Variants in PCCA observed in about 807,000 individuals in gnomAD.
PCCA encodes propionyl-CoA carboxylase subunit alpha, also known as propionyl-CoA carboxylase alpha chain, mitochondrial.
Under a neutral mutation model 101.3 loss-of-function variants are expected in PCCA, and 74 were observed. The observed-to-expected ratio is 0.73, with a 90% CI of 0.61 to 0.89. The LOEUF (loss-of-function observed/expected upper bound fraction) is 0.89, where lower values mean the gene tolerates loss of function less well. Among genes scored for constraint, PCCA ranks in the 40% least tolerant of loss-of-function variants. PCCA has a pLI of 0.00. For synonymous variants in PCCA, 294 were observed against 313.6 expected (o/e 0.94, Z 0.66); for missense variants, 891 against 907.0 (o/e 0.98, Z 0.23).
intron 16 of PCCA, among the ~76,000 whole-genome samples, chr13:100,322,057 G>A (rs1441880719): frequency 2.0e-5 from 3 of 152,306 alleles, no homozygotes; most frequent in Non-Finnish European, 4.4e-5. Context: ...TCTAAATACA[G>A]TGGGATAAAT....
chr13:100,200,865 C>T (rs757677504), intron 6 of PCCA, among the ~76,000 whole-genome samples: 52 of 151,492 alleles, frequency 3.4e-4, no homozygotes, highest in South Asian at 2.1e-4. Flanking sequence ...CAAAACAACT[C>T]CTGTGTTCAT....
intron 6 of PCCA, among the ~76,000 whole-genome samples, chr13:100,172,188 A>C (rs1323749021): frequency 6.6e-6 from 1 of 151,642 alleles, no homozygotes; most frequent in Non-Finnish European, 1.5e-5. Context: ...GTGACAGAGC[A>C]AAACCCTGTC....
intron 11 of PCCA, among the ~76,000 whole-genome samples, chr13:100,268,997 G>A (rs1233610874): frequency 1.3e-5 from 2 of 152,122 alleles, no homozygotes; most frequent in African/African-American, 4.8e-5. Flanking sequence ...CTACAGGTGT[G>A]TGCCACCATG....
In PCCA at chr13:100,247,188, A is replaced by G. The variant is rs544887671; in HGVS notation, c.638-10407A>G. On this transcript the variant is annotated intron_variant, in intron 8 of 23. Coordinates refer to ENST00000376285, the MANE Select transcript of PCCA (RefSeq NM_000282.4). ...CTCCCAAAGTGCTGAGATTACAGGC[A>G]TAAGCCACTGCGCCCAGCCTGTGTG... Among the ~76,000 whole-genome samples, 11 of 149,132 alleles carry G rather than the reference A, an allele frequency of 7.4e-5. No homozygotes were observed. In the East Asian group the frequency reaches 2.2e-3, roughly 30 times the overall value.
At chr13:100,410,768 T>TC (rs2152869769) in intron 19 of PCCA, among the ~76,000 whole-genome samples, 1 of 152,176 alleles carries the variant, frequency 6.6e-6, no homozygotes, top group Non-Finnish European at 1.5e-5. Flanking sequence ...CTCTTTTTTT[T>TC]CCCCAAGAGA....
intron 21 of PCCA, among the ~76,000 whole-genome samples, chr13:100,514,963 A>T (rs1326421453): frequency 2.6e-5 from 4 of 152,240 alleles, no homozygotes; most frequent in Non-Finnish European, 5.9e-5. Flanking sequence ...ACTTACTGAT[A>T]CGTAGTGCAG....
intron 21 of PCCA, among the ~76,000 whole-genome samples, chr13:100,514,616 G>T (rs1813821862): frequency 6.6e-6 from 1 of 152,142 alleles, no homozygotes; most frequent in Admixed American, 6.5e-5. Flanking sequence ...TCACGGAGAG[G>T]ATAGGAATTC....
chr13:100,438,972 C>G (rs1189853211), intron 20 of PCCA, among the ~76,000 whole-genome samples: 2 of 152,162 alleles, frequency 1.3e-5, no homozygotes, highest in Non-Finnish European at 2.9e-5. Context: ...GGAATGTAGT[C>G]CTACCAAAAC....
rs573933862 is a variant in PCCA, at chr13:100,363,899, A to C, written c.1644-4573A>C. Among the ~76,000 whole-genome samples, 21 of 152,304 alleles carry C rather than the reference A, an allele frequency of 1.4e-4. No individual in the cohort carries two copies. The East Asian group carries it at 3.5e-3, about 25-fold the overall frequency. On this transcript the variant is annotated intron_variant, in intron 18 of 23. Coordinates refer to ENST00000376285, the MANE Select transcript of PCCA (RefSeq NM_000282.4). ...CCCTTTTGAGTAAAATATTCCAGTA[A>C]GTTAAATGTATTAGTATTAATAGTG... is the stretch of plus-strand genomic sequence containing the variant.
intron 8 of PCCA, among the ~76,000 whole-genome samples, chr13:100,239,985 A>G (rs986678246): frequency 2.6e-5 from 4 of 152,092 alleles, no homozygotes; most frequent in South Asian, 2.1e-4. Flanking sequence ...AAATACATCA[A>G]TAGGCATTGT....
At chr13:100,348,906 C>CTTACT (rs759926389) in intron 18 of PCCA, among the ~76,000 whole-genome samples, 1 of 58,434 alleles carries the variant, frequency 1.7e-5, no homozygotes, top group Non-Finnish European at 3.8e-5. Flanking sequence ...TCCTTCCTTC[C>CTTACT]TTCCTTTCTT....
At chr13:100,168,029 C>T (rs2055234238) in intron 6 of PCCA, among the ~76,000 whole-genome samples, 1 of 152,188 alleles carries the variant, frequency 6.6e-6, no homozygotes, top group Admixed American at 6.5e-5. Flanking sequence ...GACCTCCTTC[C>T]TCACCACTGA....
In PCCA at chr13:100,301,490, G is replaced by T; in HGVS notation, c.1096G>T (p.Gly366Cys). ...VEHPVTECIT[G>C]LDLVQEMIRV... ...GCATCCTGTCACAGAATGCATTACT[G>T]GCCTGGACCTAGTCCAGGAAATGAT... The change falls in exon 13 of 24, where the codon GGC becomes TGC. Residue 366 changes from glycine (G) to cysteine (C), a missense_variant. Physicochemically the swap from Gly to Cys is radical, Grantham distance 159 (BLOSUM62 -3). Transcript: ENST00000376285. The T allele has an allele frequency of 6.2e-7, 1 of 1,613,974 alleles. No individual in the cohort carries two copies. The highest frequency in any genetic ancestry group is 1.1e-5 in the South Asian group (1 of 91,076).
In PCCA at chr13:100,302,999, G is replaced by GT. The variant is rs776978090; in HGVS notation, c.1284+2dup. 6.4e-7 allele frequency: 1 copy of GT among 1,550,660 alleles called. No homozygotes were observed. Among genetic ancestry groups the GT allele is most frequent in the South Asian group, 1.1e-5 (1 of 89,834 alleles). ...CCAAGAACCGTTACATCTACCTGGTGTAAGTCATTAAGCTGTAATACCAGC... is the reference window on the plus strand; with the variant it reads ...CCAAGAACCGTTACATCTACCTGGTGTTAAGTCATTAAGCTGTAATACCAGC... On this transcript the variant is annotated splice_donor_variant, in intron 14 of 23. Transcript: ENST00000376285. LOFTEE classifies it high-confidence loss of function.
chr13:100,356,387 G>A (rs1164316583), intron 18 of PCCA, among the ~76,000 whole-genome samples: 1 of 152,042 alleles, frequency 6.6e-6, no homozygotes, highest in East Asian at 1.9e-4. Flanking sequence ...GTCTAGTATA[G>A]GGAATTCTTA....
rs9557443 is a variant in PCCA at position 100,507,806 on chromosome 13, A to G, written c.1900-7621A>G. On this transcript the variant is annotated intron_variant, in intron 21 of 23. Transcript: ENST00000376285. ...CGAGCAGCTAGGATTACAAGCGCCC[A>G]CCACCACGCCTGGCTAATTTTTTGG... 2.9e-3 allele frequency among the ~76,000 whole-genome samples: 443 copies of G among 152,022 alleles called. 18 individuals carry two copies. The East Asian group carries it at 0.056, about 19-fold the overall frequency.
At chr13:100,188,777 G>A (rs114658690) in intron 6 of PCCA, among the ~76,000 whole-genome samples, 2,141 of 152,074 alleles carry the variant, frequency 0.014, 57 homozygotes, top group African/African-American at 0.049. Flanking sequence ...GGTATCTATT[G>A]TATTGTGGTT....
At chr13:100,188,901 A>G (rs1436007700) in intron 6 of PCCA, among the ~76,000 whole-genome samples, 1 of 150,082 alleles carries the variant, frequency 6.7e-6, no homozygotes, top group Admixed American at 6.6e-5. Flanking sequence ...TTTTTTTTAA[A>G]TTATACTTTA....
intron 12 of PCCA, among the ~76,000 whole-genome samples, chr13:100,295,507 G>T (rs895863099): frequency 1.3e-5 from 2 of 152,166 alleles, no homozygotes; most frequent in East Asian, 3.8e-4. Context: ...TAATTTAAAA[G>T]AACATTATTT....
Sources: allele counts gnomAD v4.1 joint callset (sites outside exome capture counted in the v4.1 genomes callset), GRCh38; gene constraint gnomAD v4.1.1; transcripts MANE v1.5; gene names NCBI Gene and HGNC (gene_info 2026-07-23, HGNC 2026-07-21).